The following PCDHGA10 variants were observed in gnomAD, a reference collection of about 807,000 sequenced individuals.
PCDHGA10 encodes the protein protocadherin gamma-A10.
A neutral mutation model predicts 59.5 loss-of-function variants in PCDHGA10; 42 were observed. The ratio of observed to expected loss-of-function variants is 0.71; its 90% confidence interval spans 0.55 to 0.91. PCDHGA10 has a LOEUF of 0.91. Among genes scored for constraint, PCDHGA10 ranks in the 40% least tolerant of loss-of-function variants. PCDHGA10 has a pLI of 0.00. For missense variants in PCDHGA10, 1,111 were observed against 1,198.2 expected (o/e 0.93, Z 1.07); for synonymous variants, 511 against 517.2 (o/e 0.99, Z 0.16).
rs1233148754 is a variant in PCDHGA10, at chr5:141,428,157, T to A, written c.2436+12546T>A. ...CCTGGGGCTGCACACGGGAACCTGC[T>A]GGTTGCTGTGCGTGACGGAGGACAG... On this transcript the variant is annotated intron_variant, in intron 1 of 3. Coordinates refer to ENST00000398610, the MANE Select transcript of PCDHGA10 (RefSeq NM_018913.3). The A allele has an allele frequency of 4.4e-6, 7 of 1,575,024 alleles. No individual in the cohort carries two copies. The East Asian group carries it at 1.6e-4, about 35-fold the overall frequency.
chr5:141,478,293 T>C (rs2099444312), intron 1 of PCDHGA10: 2 of 1,614,026 alleles, frequency 1.2e-6, no homozygotes. Context: ...TCTAGAGACC[T>C]ATACCGAGCC....
intron 1 of PCDHGA10, chr5:141,418,442 G>C: frequency 6.2e-7 from 1 of 1,614,010 alleles, no homozygotes; most frequent in Non-Finnish European, 8.5e-7. Flanking sequence ...TCCAGAATTA[G>C]TATTGCAGAA....
chr5:141,415,935 C>A, intron 1 of PCDHGA10: 1 of 601,886 alleles, frequency 1.7e-6, no homozygotes, highest in Non-Finnish European at 2.4e-6. Context: ...TTTATATTTC[C>A]TCCTGGGTGG....
rs138463062 is a variant in PCDHGA10 at position 141,485,217 on chromosome 5, C to G, written c.2437-9590C>G. 6.8e-6 allele frequency: 11 copies of G among 1,613,996 alleles called. No individual in the cohort carries two copies. Among genetic ancestry groups the G allele is most frequent in the Non-Finnish European group, 9.3e-6 (11 of 1,179,978 alleles). ...AGCTGGACAGAAATCTGGCGGTGGGCTACCCTTTTGTTCCTCTTTTACCAC... is the reference window on the plus strand; with the variant it reads ...AGCTGGACAGAAATCTGGCGGTGGGGTACCCTTTTGTTCCTCTTTTACCAC... On this transcript the variant is annotated intron_variant, in intron 1 of 3. Coordinates refer to ENST00000398610, the MANE Select transcript of PCDHGA10 (RefSeq NM_018913.3). This position sits in a 1 kb window ranked among gnomAD's most constrained non-coding sequence, Gnocchi z 5.7.
In PCDHGA10 at chr5:141,491,359, G is replaced by C. The variant is rs764159829; in HGVS notation, c.2437-3448G>C. 3 of 1,614,154 alleles carry C rather than the reference G, an allele frequency of 1.9e-6. No homozygotes were observed. In the East Asian group the frequency reaches 6.7e-5, roughly 36 times the overall value. On this transcript the variant is annotated intron_variant, in intron 1 of 3. Coordinates refer to ENST00000398610, the MANE Select transcript of PCDHGA10 (RefSeq NM_018913.3). This position sits in a 1 kb window ranked among gnomAD's most constrained non-coding sequence, Gnocchi z 6.9. ...AGCGACCGTCAGTCTCTTATCCCTA[G>C]TCACCTTCACCTTTCTGTCAGCGAA...
chr5:141,427,998 C>A, intron 1 of PCDHGA10: 1 of 1,600,956 alleles, frequency 6.2e-7, no homozygotes, highest in Non-Finnish European at 8.6e-7. Context: ...TGGCTCCGCA[C>A]TCTTCGATAT....
At chr5:141,423,833 T>A in intron 1 of PCDHGA10, 1 of 1,262,398 alleles carries the variant, frequency 7.9e-7, no homozygotes, top group Non-Finnish European at 1.0e-6. Context: ...TTCATGAGAT[T>A]ACGATAATCT....
intron 1 of PCDHGA10, among the ~76,000 whole-genome samples, chr5:141,453,996 C>T (rs2098779349): frequency 6.6e-6 from 1 of 152,128 alleles, no homozygotes; most frequent in Admixed American, 6.6e-5. Context: ...GTGATAAACC[C>T]ACATAACATT....
In PCDHGA10 at chr5:141,478,732, T is replaced by C. The variant is rs772167680; in HGVS notation, c.2437-16075T>C. 7.2e-6 allele frequency: 11 copies of C among 1,537,428 alleles called. No homozygotes were observed. In the South Asian group the frequency reaches 1.2e-4, roughly 17 times the overall value. On this transcript the variant is annotated intron_variant, in intron 1 of 3. Transcript: ENST00000398610. ...GAGATGGTGGCCTGCCAGAGTGTGG[T>C]TTGTGGTCCCATTTCAGGGGGAAGA...
intron 1 of PCDHGA10, among the ~76,000 whole-genome samples, chr5:141,447,162 G>A (rs1213550616): frequency 6.6e-6 from 1 of 151,700 alleles, no homozygotes; most frequent in African/African-American, 2.4e-5. Flanking sequence ...TTGTTTAAGC[G>A]GGGTCTTGCT....
At chr5:141,430,603 C>A in intron 1 of PCDHGA10, 1 of 632,906 alleles carries the variant, frequency 1.6e-6, no homozygotes, top group Non-Finnish European at 2.5e-6. Context: ...GCGCCTGAAG[C>A]ACAAAGCAGA....
At chr5:141,423,357 C>A in intron 1 of PCDHGA10, 1 of 1,614,214 alleles carries the variant, frequency 6.2e-7, no homozygotes, top group Non-Finnish European at 8.5e-7. Flanking sequence ...TCTTTGTCAT[C>A]GTGCTGCTGG....
intron 1 of PCDHGA10, among the ~76,000 whole-genome samples, chr5:141,445,746 TA>T (rs1486411811): frequency 2.0e-5 from 3 of 152,028 alleles, no homozygotes; most frequent in Non-Finnish European, 4.4e-5. Flanking sequence ...TTTTAAAAAA[TA>T]AAAGGTGTGA....
chr5:141,415,521 G>T lies in PCDHGA10; in HGVS notation c.2346G>T (p.Thr782=), dbSNP rs1357538686. 2.5e-6 allele frequency: 4 copies of T among 1,614,070 alleles called. No individual in the cohort carries two copies. The African/African-American group carries it at 5.3e-5, about 22-fold the overall frequency. ...LIFPQPNYAD[T]LISQESCEKN... Reference sequence around the variant, plus strand: ...TCCCCCAGCCCAATTATGCGGACACGCTCATCAGCCAGGAGAGCTGTGAGA... The same window carrying T: ...TCCCCCAGCCCAATTATGCGGACACTCTCATCAGCCAGGAGAGCTGTGAGA... Residue 782 remains threonine, a synonymous_variant, in exon 1 of 4, where the codon ACG becomes ACT. Coordinates refer to ENST00000398610, the MANE Select transcript of PCDHGA10 (RefSeq NM_018913.3).
chr5:141,504,078 C>T (rs1333392062), intron 2 of PCDHGA10, among the ~76,000 whole-genome samples: 1 of 152,078 alleles, frequency 6.6e-6, no homozygotes, highest in Non-Finnish European at 1.5e-5. Flanking sequence ...CCAGATGGTG[C>T]CAAACAGTTA....
intron 1 of PCDHGA10, among the ~76,000 whole-genome samples, chr5:141,466,724 A>G (rs2099128017): frequency 6.6e-6 from 1 of 152,148 alleles, no homozygotes. Flanking sequence ...TTTCCATTTT[A>G]GCAGAATTCA....
chr5:141,415,017 G>A lies in PCDHGA10; in HGVS notation c.1842G>A (p.Lys614=), dbSNP rs1344566574. ...CCTGGCTGTCCTACCGTCTGCTCAA[G>A]GCCAGCGAGCCGGGACTCTTCGCGG... ...QNAWLSYRLL[K]ASEPGLFAVG... Residue 614 remains lysine, a synonymous_variant, in exon 1 of 4, where the codon AAG becomes AAA. Transcript: ENST00000398610. The A allele has an allele frequency of 1.9e-6, 3 of 1,613,574 alleles. No homozygotes were observed. In the Admixed American group the frequency reaches 5.0e-5, roughly 27 times the overall value.
At chr5:141,465,337 G>GCC (rs2099101328) in intron 1 of PCDHGA10, among the ~76,000 whole-genome samples, 6 of 151,962 alleles carry the variant, frequency 3.9e-5, no homozygotes, top group Admixed American at 2.6e-4. Flanking sequence ...TTTTTATATT[G>GCC]GTTACTGAAG....
chr5:141,477,970 T>G lies in PCDHGA10; in HGVS notation c.2437-16837T>G. ...TCTTGGGATCCCCTAACCAGAGCCTTTTTGCCATAGGGCTGCACACTGGTC... is the reference window on the plus strand; with the variant it reads ...TCTTGGGATCCCCTAACCAGAGCCTGTTTGCCATAGGGCTGCACACTGGTC... On this transcript the variant is annotated intron_variant, in intron 1 of 3. Coordinates refer to ENST00000398610, the MANE Select transcript of PCDHGA10 (RefSeq NM_018913.3). This position sits in a 1 kb window ranked among gnomAD's most constrained non-coding sequence, Gnocchi z 4.9. 1 of 1,614,090 alleles carries G rather than the reference T, an allele frequency of 6.2e-7. No homozygotes were observed. The highest frequency in any genetic ancestry group is 8.5e-7 in the Non-Finnish European group (1 of 1,180,002).
Sources: allele counts gnomAD v4.1 joint callset (sites outside exome capture counted in the v4.1 genomes callset), GRCh38; gene constraint gnomAD v4.1.1; non-coding constraint Gnocchi (gnomAD v3.1); transcripts MANE v1.5; gene names NCBI Gene and HGNC (gene_info 2026-07-23, HGNC 2026-07-21).